Variants in LSM5 observed in about 807,000 individuals in gnomAD.
The protein encoded by LSM5 is LSM5 homolog, U6 small nuclear RNA and mRNA degradation associated, also known as U6 snRNA-associated Sm-like protein LSm5.
In LSM5, 8 loss-of-function variants were observed where a neutral mutation model predicts 13.8. The observed-to-expected ratio is 0.58, with a 90% confidence interval of 0.34 to 1.04. LSM5 has a LOEUF of 1.04. LSM5 is among the 50% of genes least tolerant of loss of function. LSM5 has a pLI of 0.03. For synonymous variants in LSM5, 35 were observed against 37.0 expected, an observed-to-expected ratio of 0.95 and a Z score of 0.20; for missense variants, 80 against 108.1, an observed-to-expected ratio of 0.74 and a Z score of 1.15.
In LSM5 at chr7:32,488,653, C is replaced by T. The variant is rs1583462833; in HGVS notation, c.143-1G>A. The T allele has an allele frequency of 6.3e-7, 1 of 1,590,472 alleles. No homozygotes were observed. The highest frequency in any genetic ancestry group is 2.2e-5 in the East Asian group (1 of 44,758). On this transcript the variant is annotated splice_acceptor_variant, in intron 2 of 4. Coordinates refer to ENST00000450169, the MANE Select transcript of LSM5 (RefSeq NM_012322.3). LOFTEE classifies it high-confidence loss of function. ...TCAGTGACATCTTCCAGTACCATAT[C>T]TGAAATTTGGTGTTAAGAAAATAAA...
chr7:32,493,701 T>A (rs937731673), upstream of LSM5, among the ~76,000 whole-genome samples: 1 of 150,604 alleles, frequency 6.6e-6, no homozygotes, highest in Non-Finnish European at 1.5e-5. Context: ...CCACCATGCC[T>A]GGCTAATTTT....
chr7:32,491,528 T>C (rs1426162948), upstream of LSM5, among the ~76,000 whole-genome samples: 1 of 152,188 alleles, frequency 6.6e-6, no homozygotes, highest in African/African-American at 2.4e-5. Context: ...CTGAGAATTA[T>C]GGGAAGCAGT....
chr7:32,491,397 CAAAAAAA>C (rs11393390), upstream of LSM5, among the ~76,000 whole-genome samples: 1 of 97,932 alleles, frequency 1.0e-5, no homozygotes, highest in Non-Finnish European at 1.9e-5. Context: ...AACTCCATCT[CAAAAAAA>C]AAAAAAAAAA....
chr7:32,489,895 C>A, intron 1 of LSM5: 1 of 446,012 alleles, frequency 2.2e-6, no homozygotes, highest in South Asian at 2.2e-5. Flanking sequence ...ACAAACAGAG[C>A]TGGTTTCCAG....
chr7:32,492,456 G>C (rs1383432509), upstream of LSM5, among the ~76,000 whole-genome samples: 6 of 152,164 alleles, frequency 3.9e-5, no homozygotes. Context: ...CTGGGAGGCA[G>C]AGGTTGCAGT....
At chr7:32,492,876 A>T (rs148701774), upstream of LSM5, among the ~76,000 whole-genome samples, 1 of 152,384 alleles carries the variant, frequency 6.6e-6, no homozygotes, top group African/African-American at 2.4e-5. Flanking sequence ...TCCATGTATT[A>T]TATGTTCAGA....
chr7:32,490,019 T>A lies in LSM5; in HGVS notation c.46+301A>T, dbSNP rs547287795. 2.5e-4 allele frequency: 340 copies of A among 1,356,384 alleles called. 1 individual carries two copies. In the African/African-American group the frequency reaches 4.6e-3, roughly 19 times the overall value. 84.0% of individuals were successfully genotyped at this position (1,356,384 alleles called of 1,614,324 possible). A position where few individuals can be genotyped will look rare whatever the true frequency, so the allele number is the denominator to read the frequency against. On this transcript the variant is annotated intron_variant, in intron 1 of 4. Coordinates refer to ENST00000450169, the MANE Select transcript of LSM5 (RefSeq NM_012322.3). ...TAAACGCCAGGCTGAGAAGTAGGCCTACTACCTATAACACTGCAGAGGCGG... is the reference window on the plus strand; with the variant it reads ...TAAACGCCAGGCTGAGAAGTAGGCCAACTACCTATAACACTGCAGAGGCGG...
chr7:32,486,179 T>G lies in LSM5; in HGVS notation c.*1082A>C, dbSNP rs17460417. The G allele has an allele frequency of 2.0e-5, 3 of 152,160 alleles. No homozygotes were observed. Among genetic ancestry groups the G allele is most frequent in the African/African-American group, 4.8e-5 (2 of 41,442 alleles). 9.4% of individuals were successfully genotyped at this position (152,160 alleles called of 1,614,324 possible). On this transcript the variant is annotated 3_prime_UTR_variant, in exon 5 of 5. Coordinates refer to ENST00000450169, the MANE Select transcript of LSM5 (RefSeq NM_012322.3). ...TTTATTCTAGAAAAATACAAATGTA[T>G]AAAGATCTAGTTAGACTACTGTGGC... is the stretch of plus-strand genomic sequence containing the variant.
At chr7:32,488,598 T>C (rs771679653) in intron 3 of LSM5, 27 bp downstream of exon 3, 2 of 1,514,810 alleles carry the variant, frequency 1.3e-6, no homozygotes, top group African/African-American at 2.7e-5. Context: ...AAGAAGAGAT[T>C]CCCCCCAATT....
chr7:32,488,551 A>G (rs949214879), intron 3 of LSM5, 74 bp downstream of exon 3: 1 of 978,550 alleles, frequency 1.0e-6, no homozygotes, highest in Non-Finnish European at 1.6e-6. Context: ...TTTCTCATAA[A>G]TAATTTTACT....
chr7:32,490,697 G>C, upstream of LSM5: 1 of 382,346 alleles, frequency 2.6e-6, no homozygotes, highest in Non-Finnish European at 5.2e-6. Context: ...TCTCAAGCCA[G>C]AATCTTCAAA....
At position 32,487,134 on chromosome 7, in the gene LSM5, C is replaced by A; in HGVS notation, c.*127G>T. On this transcript the variant is annotated 3_prime_UTR_variant, in exon 5 of 5. Coordinates refer to ENST00000450169, the MANE Select transcript of LSM5 (RefSeq NM_012322.3). ...ACTTACAAAAATGGGTACACATCTT[C>A]AAAGCACTTCCCTTTAACGGGAAAC... is the stretch of plus-strand genomic sequence containing the variant. The A allele has an allele frequency of 1.3e-6, 1 of 782,948 alleles. No homozygotes were observed. Among genetic ancestry groups the A allele is most frequent in the South Asian group, 1.6e-5 (1 of 64,016 alleles). 48.5% of individuals were successfully genotyped at this position (782,948 alleles called of 1,614,324 possible).
At position 32,486,278 on chromosome 7, in the gene LSM5, C is replaced by A. The variant is rs1295738000; in HGVS notation, c.*983G>T. 2 of 152,032 alleles carry A rather than the reference C, an allele frequency of 1.3e-5. No homozygotes were observed. Among genetic ancestry groups the A allele is most frequent in the East Asian group, 3.9e-4 (2 of 5,190 alleles). The allele number at this position is 152,032 out of a possible 1,614,324, so 9.4% of individuals were successfully genotyped here. On this transcript the variant is annotated 3_prime_UTR_variant, in exon 5 of 5. Coordinates refer to ENST00000450169, the MANE Select transcript of LSM5 (RefSeq NM_012322.3). ...TACATATTAATGTTGAAATATTTGA[C>A]ACAGAAAGATATTCACCATTTAAAT...
upstream of LSM5, chr7:32,490,469 A>G: frequency 1.1e-6 from 1 of 939,656 alleles, no homozygotes; most frequent in South Asian, 1.4e-5. Flanking sequence ...TCTGAGGCCG[A>G]GCGCACGATC....
upstream of LSM5, among the ~76,000 whole-genome samples, chr7:32,493,473 T>C (rs887716240): frequency 2.6e-5 from 4 of 152,116 alleles, no homozygotes; most frequent in Non-Finnish European, 1.5e-5. Context: ...AAAAAAATCC[T>C]GGAAATTCCC....
rs1456881245 is a variant in LSM5 at position 32,488,642 on chromosome 7, C to A, written c.153G>T (p.Leu51=). The A allele has an allele frequency of 1.9e-6, 3 of 1,596,616 alleles. No homozygotes were observed. The highest frequency in any genetic ancestry group is 1.7e-6 in the Non-Finnish European group (2 of 1,164,364). The change falls in exon 3 of 5, where the codon CTG becomes CTT. Residue 51 remains leucine (L), a synonymous_variant. Transcript: ENST00000450169. ...LGFDDFVNMV[L]EDVTEFEITP... ...CTACTCACAACTCAGTGACATCTTC[C>A]AGTACCATATCTGAAATTTGGTGTT...
upstream of LSM5, among the ~76,000 whole-genome samples, chr7:32,494,167 A>T (rs1343059038): frequency 1.3e-5 from 2 of 152,234 alleles, no homozygotes; most frequent in Non-Finnish European, 2.9e-5. Context: ...GTTCAATTAG[A>T]CAGTAATTTT....
intron 1 of LSM5, chr7:32,489,912 C>G (rs1786537161): frequency 1.7e-6 from 1 of 593,530 alleles, no homozygotes; most frequent in African/African-American, 1.9e-5. Flanking sequence ...CCAGATTCCT[C>G]ATTTAAGGCT....
chr7:32,488,440 G>A lies in LSM5; in HGVS notation c.170+185C>T, dbSNP rs148653138. 3.8e-4 allele frequency: 196 copies of A among 510,482 alleles called. 3 individuals are homozygous for A. The East Asian group carries it at 5.7e-3, about 15-fold the overall frequency. The allele number at this position is 510,482 out of a possible 1,614,324, so 31.6% of individuals were successfully genotyped here. A position where few individuals can be genotyped will look rare whatever the true frequency, so the allele number is the denominator to read the frequency against. On this transcript the variant is annotated intron_variant, in intron 3 of 4. Transcript: ENST00000450169. The stretch of plus-strand genomic sequence containing the variant: ...CTGTGTCTCCACTAATATTCTAGGC[G>A]TTTACTAATAATTACATTAAGGTAA...
Sources: gnomAD v4.1 joint callset for allele counts (sites outside exome capture counted in the v4.1 genomes callset) on GRCh38, gnomAD v4.1.1 for gene constraint, MANE v1.5 for transcripts, NCBI Gene and HGNC (gene_info 2026-07-23, HGNC 2026-07-21) for gene names.